The following PLEKHD1 variants were observed in gnomAD, a reference collection of about 807,000 sequenced individuals.
PLEKHD1 encodes pleckstrin homology domain-containing family D member 1.
Under a neutral mutation model 69.2 loss-of-function variants are expected in PLEKHD1, and 51 were observed. The observed-to-expected ratio is 0.74, with a 90% CI of 0.59 to 0.93. The LOEUF (loss-of-function observed/expected upper bound fraction) is 0.93. Ranked by LOEUF, PLEKHD1 falls within the 40% of genes least tolerant of loss-of-function variation. PLEKHD1 has a pLI of 0.00. For synonymous variants in PLEKHD1, 236 were observed against 244.7 expected, an observed-to-expected ratio of 0.96 and a Z score of 0.33; for missense variants, 584 against 641.0, an observed-to-expected ratio of 0.91 and a Z score of 0.96.
intron 6 of PLEKHD1, among the ~76,000 whole-genome samples, chr14:69,511,404 T>C (rs1421509398): frequency 2.0e-5 from 3 of 152,162 alleles, no homozygotes; most frequent in African/African-American, 7.2e-5. Flanking sequence ...ATAATCCACC[T>C]GCCTCCGCCT....
chr14:69,530,982 C>G lies in PLEKHD1; in HGVS notation c.*2563C>G, dbSNP rs1328489345. The G allele has an allele frequency of 6.6e-6, 1 of 152,060 alleles. No homozygotes were observed. The highest frequency in any genetic ancestry group is 2.4e-5 in the African/African-American group (1 of 41,380). 9.4% of individuals were successfully genotyped at this position (152,060 alleles called of 1,614,324 possible). The stretch of plus-strand genomic sequence containing the variant: ...ACTAAAAATACAAAAATTAGCTGGG[C>G]GTGGTGGTGGGTGCCTATAGTCCCA... On this transcript the variant is annotated 3_prime_UTR_variant, in exon 13 of 13. Transcript: ENST00000322564.
the PLEKHD1 span, among the ~76,000 whole-genome samples, chr14:69,468,269 C>T: frequency 2.6e-5 from 4 of 152,054 alleles, no homozygotes; most frequent in Non-Finnish European, 5.9e-5. Flanking sequence ...ACTATGAGAT[C>T]AAAAATGTAA....
chr14:69,479,549 G>A, the PLEKHD1 span, among the ~76,000 whole-genome samples: 1 of 152,176 alleles, frequency 6.6e-6, no homozygotes, highest in African/African-American at 2.4e-5. Context: ...GTGTGGACCT[G>A]TGGTCCCAGC....
At chr14:69,472,202 C>T in the PLEKHD1 span, among the ~76,000 whole-genome samples, 9 of 152,292 alleles carry the variant, frequency 5.9e-5, no homozygotes, top group East Asian at 1.7e-3. Context: ...AACACCACAG[C>T]CCTTCAAGCA....
At chr14:69,492,811 C>T (rs1031193918) in intron 1 of PLEKHD1, among the ~76,000 whole-genome samples, 3 of 152,104 alleles carry the variant, frequency 2.0e-5, no homozygotes, top group Admixed American at 6.6e-5. Flanking sequence ...GCTTTGTGGC[C>T]CAGGCTGGAG....
intron 6 of PLEKHD1, among the ~76,000 whole-genome samples, chr14:69,516,252 GAA>G (rs1306734978): frequency 1.3e-5 from 2 of 152,106 alleles, no homozygotes; most frequent in Non-Finnish European, 2.9e-5. Flanking sequence ...CCTATTTGTA[GAA>G]ATCATGCTCT....
intron 6 of PLEKHD1, 47 bp downstream of exon 6, chr14:69,502,926 A>T: frequency 2.6e-6 from 4 of 1,542,280 alleles, no homozygotes; most frequent in Non-Finnish European, 3.5e-6. Flanking sequence ...GTAATGGCTC[A>T]CGTTTCTAGC....
At chr14:69,511,546 CTTTTCTTTT>C (rs1222525799) in intron 6 of PLEKHD1, among the ~76,000 whole-genome samples, 2 of 151,752 alleles carry the variant, frequency 1.3e-5, no homozygotes, top group Non-Finnish European at 2.9e-5. Context: ...TCTTTTTCTC[CTTTTCTTTT>C]TTTTCTTTTT....
At chr14:69,488,372 G>C (rs1223485180) in intron 1 of PLEKHD1, among the ~76,000 whole-genome samples, 2 of 152,176 alleles carry the variant, frequency 1.3e-5, no homozygotes, top group African/African-American at 4.8e-5. Flanking sequence ...CCAGAGCAGA[G>C]AGAAGAGCCT....
At chr14:69,470,266 C>T in the PLEKHD1 span, among the ~76,000 whole-genome samples, 53 of 151,666 alleles carry the variant, frequency 3.5e-4, 1 homozygote, top group Admixed American at 3.4e-3. Flanking sequence ...AGTTCAAGAC[C>T]AACCTGGGCA....
At position 69,529,733 on chromosome 14, in the gene PLEKHD1, T is replaced by G. The variant is rs1336762495; in HGVS notation, c.*1314T>G. 6.6e-6 allele frequency: 1 copy of G among 152,150 alleles called. No individual in the cohort carries two copies. The highest frequency in any genetic ancestry group is 1.9e-4 in the East Asian group (1 of 5,194). The allele number at this position is 152,150 out of a possible 1,614,324, so 9.4% of individuals were successfully genotyped here. Reference sequence around the variant, plus strand: ...CTCTCCCTGCAGAGATTTCAGCCTGTGAAGCAATGTGACCATGAACTCTGG... The same window carrying G: ...CTCTCCCTGCAGAGATTTCAGCCTGGGAAGCAATGTGACCATGAACTCTGG... On this transcript the variant is annotated 3_prime_UTR_variant, in exon 13 of 13. Transcript: ENST00000322564.
rs1262623801 is a variant in PLEKHD1, at chr14:69,525,368, G to C, written c.745-576G>C. On this transcript the variant is annotated intron_variant, in intron 8 of 12. Coordinates refer to ENST00000322564, the MANE Select transcript of PLEKHD1 (RefSeq NM_001161498.2). The stretch of plus-strand genomic sequence containing the variant: ...GGCCTTTATTCATTTATCTTTCCCT[G>C]TTTCACATCATGGGAGGTGGTTCCC... 2.0e-5 allele frequency among the ~76,000 whole-genome samples: 3 copies of C among 152,112 alleles called. No individual in the cohort carries two copies. The East Asian group carries it at 5.8e-4, about 29-fold the overall frequency.
intron 6 of PLEKHD1, among the ~76,000 whole-genome samples, chr14:69,511,324 A>G (rs146251490): frequency 2.0e-5 from 3 of 151,816 alleles, no homozygotes; most frequent in East Asian, 1.9e-4. Context: ...ATGCCCTGCT[A>G]ATTTTGTATT....
chr14:69,518,198 C>T (rs1456471977), intron 6 of PLEKHD1, among the ~76,000 whole-genome samples: 1 of 151,960 alleles, frequency 6.6e-6, no homozygotes, highest in Non-Finnish European at 1.5e-5. Context: ...CCATACCTGG[C>T]TAATTTTTTG....
At chr14:69,526,904 G>C in intron 10 of PLEKHD1, 75 bp downstream of exon 10, 2 of 1,447,704 alleles carry the variant, frequency 1.4e-6, no homozygotes, top group Non-Finnish European at 1.8e-6. Context: ...CACTTTACCG[G>C]GTAGCTGCAT....
rs761343645 is a variant in PLEKHD1, at chr14:69,520,166, CAAAAAA to C, written c.556-2092_556-2087del. On this transcript the variant is annotated intron_variant, in intron 6 of 12. Transcript: ENST00000322564. ...TGGGTGACAGAGCGAGACTCTGTCTCAAAAAAAAAAAAAAAAAAAAAAAAAAAAAAG... is the reference window on the plus strand; with the variant it reads ...TGGGTGACAGAGCGAGACTCTGTCTCAAAAAAAAAAAAAAAAAAAAAAAAG... Among the ~76,000 whole-genome samples, 6 of 20,512 alleles carry C rather than the reference CAAAAAA, an allele frequency of 2.9e-4. No homozygotes were observed. The East Asian group carries it at 5.7e-3, about 20-fold the overall frequency. The allele number at this position is 20,512 out of a possible 152,430, so 13.5% of individuals were successfully genotyped here.
chr14:69,516,574 T>G (rs988070102), intron 6 of PLEKHD1, among the ~76,000 whole-genome samples: 23 of 152,214 alleles, frequency 1.5e-4, no homozygotes, highest in African/African-American at 5.3e-4. Context: ...GATGTTTTAT[T>G]TAAATAATCT....
chr14:69,515,692 A>G (rs1366519644), intron 6 of PLEKHD1, among the ~76,000 whole-genome samples: 1 of 152,158 alleles, frequency 6.6e-6, no homozygotes, highest in Admixed American at 6.5e-5. Context: ...GGAGCAAGAG[A>G]GAGAGCATGG....
At chr14:69,475,419 C>T in the PLEKHD1 span, among the ~76,000 whole-genome samples, 7 of 152,126 alleles carry the variant, frequency 4.6e-5, no homozygotes, top group East Asian at 3.9e-4. Flanking sequence ...AATGTTAGTG[C>T]GGTAGAGTAG....
Sources: allele counts gnomAD v4.1 joint callset (sites outside exome capture counted in the v4.1 genomes callset), GRCh38; gene constraint gnomAD v4.1.1; transcripts MANE v1.5; gene names NCBI Gene and HGNC (gene_info 2026-07-23, HGNC 2026-07-21).